Variants in NRCAM observed in about 807,000 individuals in gnomAD.
The protein encoded by NRCAM is neuronal cell adhesion molecule.
In NRCAM, 83 loss-of-function variants were observed where a neutral mutation model predicts 156.5. The observed-to-expected ratio is 0.53, with a 90% CI of 0.44 to 0.64. The LOEUF (loss-of-function observed/expected upper bound fraction) is 0.64, where lower values mean the gene tolerates loss of function less well. Among genes scored for constraint, NRCAM ranks in the 30% least tolerant of loss-of-function variants. NRCAM has a pLI of 0.00. For synonymous variants in NRCAM, 538 were observed against 563.9 expected, an observed-to-expected ratio of 0.95 and a Z score of 0.65; for missense variants, 1,417 against 1,597.3, an observed-to-expected ratio of 0.89 and a Z score of 1.92.
chr7:108,161,459 G>C (rs2048925179), intron 30 of NRCAM, among the ~76,000 whole-genome samples: 1 of 152,220 alleles, frequency 6.6e-6, no homozygotes, highest in African/African-American at 2.4e-5. Context: ...TGCCCATGCA[G>C]ATTTGCTTAA....
chr7:108,184,166 T>C, intron 22 of NRCAM, 75 bp downstream of exon 22: 2 of 1,055,442 alleles, frequency 1.9e-6, no homozygotes, highest in Non-Finnish European at 2.9e-6. Context: ...GAGATTCTAA[T>C]GTAGATATTA....
chr7:108,389,622 C>T (rs1422668994), intron 2 of NRCAM, among the ~76,000 whole-genome samples: 2 of 152,116 alleles, frequency 1.3e-5, no homozygotes, highest in Non-Finnish European at 2.9e-5. Flanking sequence ...GAGGGTATCC[C>T]TGTCTTGTGC....
At chr7:108,193,531 T>C (rs181177859) in intron 17 of NRCAM, among the ~76,000 whole-genome samples, 1 of 152,348 alleles carries the variant, frequency 6.6e-6, no homozygotes, top group Admixed American at 6.5e-5. Context: ...TGGGCTCTTT[T>C]AAATGCTCTA....
intron 11 of NRCAM, among the ~76,000 whole-genome samples, chr7:108,219,049 T>C (rs1449180491): frequency 6.6e-6 from 1 of 151,938 alleles, no homozygotes; most frequent in East Asian, 1.9e-4. Flanking sequence ...ATCACCAAAA[T>C]ACAAAAGCTC....
Position 108,198,147 on chromosome 7 carries a change from G to A in NRCAM, c.1208-48C>T, listed in dbSNP as rs1262627234. The A allele has an allele frequency of 5.4e-6, 8 of 1,485,156 alleles. 1 individual carries two copies. In the East Asian group the frequency reaches 1.8e-4, roughly 34 times the overall value. 92.0% of individuals were successfully genotyped at this position (1,485,156 alleles called of 1,614,324 possible). ...AGTATTTATTCCTATTTGCTTAAAA[G>A]ATGTATATTAAGCTTGTAAAGTCAG... On this transcript the variant is annotated intron_variant, in intron 13 of 32. Coordinates refer to ENST00000379028, the MANE Select transcript of NRCAM (RefSeq NM_001037132.4).
chr7:108,155,129 C>A (rs1453746444), intron 32 of NRCAM, among the ~76,000 whole-genome samples: 1 of 147,752 alleles, frequency 6.8e-6, no homozygotes, highest in Non-Finnish European at 1.5e-5. Context: ...CACACACACA[C>A]ACACACACAC....
At chr7:108,371,345 T>G (rs2099627220) in intron 2 of NRCAM, among the ~76,000 whole-genome samples, 1 of 152,118 alleles carries the variant, frequency 6.6e-6, no homozygotes, top group Admixed American at 6.6e-5. Context: ...GTTTTAGTTC[T>G]TGTTCAGCAA....
At chr7:108,200,737 T>TACACACACACACACAC (rs61489479) in intron 13 of NRCAM, among the ~76,000 whole-genome samples, 4 of 135,070 alleles carry the variant, frequency 3.0e-5, no homozygotes, top group South Asian at 5.4e-4. Flanking sequence ...GATAAAGAAA[T>TACACACACACACACAC]ACACACACAC....
chr7:108,219,317 C>T (rs2091209458), intron 11 of NRCAM, among the ~76,000 whole-genome samples: 1 of 151,734 alleles, frequency 6.6e-6, no homozygotes, highest in South Asian at 2.1e-4. Flanking sequence ...CACTATTCCA[C>T]CAGAAAGAGA....
At chr7:108,386,912 C>T (rs2099742477) in intron 2 of NRCAM, among the ~76,000 whole-genome samples, 1 of 152,134 alleles carries the variant, frequency 6.6e-6, no homozygotes, top group South Asian at 2.1e-4. Context: ...ACAGAATGTT[C>T]TCTTCTTTTT....
intron 2 of NRCAM, among the ~76,000 whole-genome samples, chr7:108,357,427 G>C (rs753616188): frequency 6.7e-6 from 1 of 150,338 alleles, no homozygotes; most frequent in African/African-American, 2.5e-5. Context: ...TCCACCTCCC[G>C]GGTTCAAGCA....
At chr7:108,243,855 A>T (rs893458622) in intron 3 of NRCAM, among the ~76,000 whole-genome samples, 6 of 152,206 alleles carry the variant, frequency 3.9e-5, no homozygotes, top group African/African-American at 1.4e-4. Context: ...AGGGGGAAAA[A>T]TTCCCTTCTT....
chr7:108,432,167 C>T (rs1346055822), intron 1 of NRCAM, among the ~76,000 whole-genome samples: 1 of 152,218 alleles, frequency 6.6e-6, no homozygotes, highest in Non-Finnish European at 1.5e-5. Context: ...GTCTCAACCA[C>T]TAAATCTTTA....
At chr7:108,414,604 G>A (rs1050025484) in intron 1 of NRCAM, among the ~76,000 whole-genome samples, 4 of 152,166 alleles carry the variant, frequency 2.6e-5, no homozygotes, top group African/African-American at 9.7e-5. Context: ...AAAGACAAAG[G>A]AATGAATGAA....
Position 108,180,234 on chromosome 7 carries a change from G to A in NRCAM, c.2840C>T (p.Thr947Ile). 1.2e-6 allele frequency: 2 copies of A among 1,614,012 alleles called. No individual in the cohort carries two copies. Among genetic ancestry groups the A allele is most frequent in the Non-Finnish European group, 1.7e-6 (2 of 1,179,932 alleles). Residue 947 changes from threonine (T) to isoleucine (I), a missense_variant, in exon 25 of 33, where the codon ACT becomes ATT. Physicochemically the swap from Thr to Ile is moderately conservative, Grantham distance 89. Transcript: ENST00000379028. ...CGTCCATTCCATACCTCCTTCTGGA[G>A]TATTAAAGACTCTGTCAGGGCTGGC... ...GPASPDRVFNTPEGVPSAPSS... is the reference protein window; with the variant it reads ...GPASPDRVFNIPEGVPSAPSS...
At chr7:108,219,546 A>G (rs2091332324) in intron 11 of NRCAM, among the ~76,000 whole-genome samples, 1 of 152,228 alleles carries the variant, frequency 6.6e-6, no homozygotes, top group African/African-American at 2.4e-5. Context: ...ATGGTTTAAC[A>G]TACACAAGTC....
intron 1 of NRCAM, among the ~76,000 whole-genome samples, chr7:108,427,284 A>G (rs4730315): frequency 6.6e-6 from 1 of 152,090 alleles, no homozygotes; most frequent in African/African-American, 2.4e-5. Flanking sequence ...ACAGGCAGAT[A>G]GAATTATTTC....
intron 3 of NRCAM, among the ~76,000 whole-genome samples, chr7:108,276,317 A>G (rs181224744): frequency 2.6e-4 from 39 of 152,260 alleles, no homozygotes; most frequent in Non-Finnish European, 4.9e-4. Flanking sequence ...TGATCTGTCT[A>G]ATATTCACAG....
intron 14 of NRCAM, among the ~76,000 whole-genome samples, chr7:108,197,057 T>G (rs2075521354): frequency 6.6e-6 from 1 of 152,156 alleles, no homozygotes; most frequent in South Asian, 2.1e-4. Context: ...GTCGTTCATG[T>G]CATGACCACA....
Sources: allele counts gnomAD v4.1 joint callset (sites outside exome capture counted in the v4.1 genomes callset), GRCh38; gene constraint gnomAD v4.1.1; transcripts MANE v1.5; gene names NCBI Gene and HGNC (gene_info 2026-07-23, HGNC 2026-07-21).